TG: variants seen among roughly 807,000 people sequenced by gnomAD.
The protein encoded by TG is thyroid hormones.
In TG, 270 loss-of-function variants were observed where a neutral mutation model predicts 324.7. The ratio of observed to expected loss-of-function variants is 0.83; its 90% CI spans 0.75 to 0.92. The LOEUF is 0.92. Among genes scored for constraint, TG ranks in the 40% least tolerant of loss-of-function variants. The pLI, the probability that TG is intolerant of heterozygous loss-of-function variation, is 0.00. For synonymous variants in TG, 1,401 were observed against 1,327.0 expected (o/e 1.06, Z -1.21); for missense variants, 3,591 against 3,456.4 (o/e 1.04, Z -0.98).
At chr8:132,932,463 G>C (rs186221501) in intron 23 of TG, among the ~76,000 whole-genome samples, 1 of 152,324 alleles carries the variant, frequency 6.6e-6, no homozygotes, top group Admixed American at 6.5e-5. Context: ...CACAGACTGT[G>C]CTGATTTTTA....
At position 133,102,094 on chromosome 8, in the gene TG, T is replaced by G. The variant is rs139467818; in HGVS notation, c.7572+5721T>G. Reference sequence around the variant, plus strand: ...GTTTGGCTTCAATAAATGTTCGTTCTTTTCCCTTAATTTTTTAATTTTAAT... The same window carrying G: ...GTTTGGCTTCAATAAATGTTCGTTCGTTTCCCTTAATTTTTTAATTTTAAT... On this transcript the variant is annotated intron_variant, in intron 43 of 47. Transcript: ENST00000220616. Among the ~76,000 whole-genome samples, 683 of 152,338 alleles carry G rather than the reference T, an allele frequency of 4.5e-3. 4 individuals carry two copies. The highest frequency in any genetic ancestry group is 0.016 in the African/African-American group (647 of 41,558).
chr8:133,077,394 G>C (rs7827903), intron 41 of TG, among the ~76,000 whole-genome samples: 37,661 of 152,068 alleles, frequency 0.25, 5,001 homozygotes, highest in African/African-American at 0.31. Flanking sequence ...TGTCCAGTGG[G>C]TCATTGGGTG....
intron 43 of TG, among the ~76,000 whole-genome samples, chr8:133,112,754 T>A (rs1264604276): frequency 6.6e-6 from 1 of 152,158 alleles, no homozygotes; most frequent in Non-Finnish European, 1.5e-5. Flanking sequence ...GCATTCCATA[T>A]CCTTCGTATA....
chr8:132,893,458 TG>T (rs1366086468), intron 10 of TG, among the ~76,000 whole-genome samples: 12 of 114,262 alleles, frequency 1.1e-4, no homozygotes, highest in African/African-American at 2.4e-4. Context: ...GTGTGTAGTA[TG>T]GGGGGTGGTG....
intron 46 of TG, 88 bp downstream of exon 46, chr8:133,132,034 G>T: frequency 6.4e-7 from 1 of 1,567,502 alleles, no homozygotes; most frequent in Non-Finnish European, 8.8e-7. Context: ...AATTTGCATC[G>T]ATAGACTCAT....
chr8:133,019,752 C>CAGTGGGGACAGTGGAT, intron 39 of TG, 57 bp downstream of exon 39: 7 of 1,441,128 alleles, frequency 4.9e-6, no homozygotes, highest in Non-Finnish European at 6.8e-6. Context: ...TAGAAATCCA[C>CAGTGGGGACAGTGGAT]TGTCCCCACT....
At chr8:133,070,596 A>G (rs373425592) in intron 41 of TG, among the ~76,000 whole-genome samples, 1 of 152,152 alleles carries the variant, frequency 6.6e-6, no homozygotes, top group Non-Finnish European at 1.5e-5. Flanking sequence ...GAGGTAAGTA[A>G]TTTGCTCAGA....
chr8:133,077,038 G>A (rs891675502), intron 41 of TG, among the ~76,000 whole-genome samples: 10 of 152,288 alleles, frequency 6.6e-5, no homozygotes, highest in African/African-American at 9.6e-5. Flanking sequence ...ACCGAGGGGC[G>A]CAGATGTGCT....
intron 41 of TG, among the ~76,000 whole-genome samples, chr8:133,058,758 G>A (rs1312656960): frequency 1.3e-5 from 2 of 152,256 alleles, no homozygotes; most frequent in Non-Finnish European, 2.9e-5. Flanking sequence ...GAGGGCTGCT[G>A]TCCTGAGAGC....
chr8:133,079,456 C>A (rs1438764432), intron 41 of TG, among the ~76,000 whole-genome samples: 1 of 152,070 alleles, frequency 6.6e-6, no homozygotes, highest in African/African-American at 2.4e-5. Flanking sequence ...TGTCAGGAGC[C>A]AGTTGTTATA....
chr8:133,096,738 G>A (rs759915041), intron 43 of TG, among the ~76,000 whole-genome samples: 1 of 152,218 alleles, frequency 6.6e-6, no homozygotes, highest in African/African-American at 2.4e-5. Context: ...GCAGGGAGAT[G>A]AAGGGACTCT....
chr8:132,905,374 C>T (rs79609056), intron 16 of TG, among the ~76,000 whole-genome samples: 8,666 of 152,220 alleles, frequency 0.057, 365 homozygotes, highest in Non-Finnish European at 0.087. Flanking sequence ...GCAAAATCTT[C>T]GCCAGGGACC....
At chr8:133,027,873 A>T (rs1196700905) in intron 40 of TG, among the ~76,000 whole-genome samples, 1 of 152,250 alleles carries the variant, frequency 6.6e-6, no homozygotes, top group Non-Finnish European at 1.5e-5. Context: ...AGGTTGGACC[A>T]GACATGTTGG....
At chr8:133,110,038 A>G (rs956028464) in intron 43 of TG, among the ~76,000 whole-genome samples, 2 of 152,088 alleles carry the variant, frequency 1.3e-5, no homozygotes, top group Non-Finnish European at 2.9e-5. Context: ...GGACTTGGAG[A>G]TCCTGGTGCC....
At chr8:132,889,042 G>A (rs995582663) in intron 10 of TG, among the ~76,000 whole-genome samples, 1 of 152,204 alleles carries the variant, frequency 6.6e-6, no homozygotes, top group African/African-American at 2.4e-5. Flanking sequence ...AGTGCCACCT[G>A]AAGTGGCTTT....
intron 5 of TG, among the ~76,000 whole-genome samples, chr8:132,874,395 G>T (rs1353804910): frequency 6.6e-6 from 1 of 152,192 alleles, no homozygotes; most frequent in South Asian, 2.1e-4. Flanking sequence ...GTAGCTTCTG[G>T]TCATCCACAC....
chr8:133,057,027 C>T (rs1287853973), intron 41 of TG, among the ~76,000 whole-genome samples: 2 of 152,194 alleles, frequency 1.3e-5, no homozygotes, highest in East Asian at 3.9e-4. Flanking sequence ...AGACCACTTA[C>T]TGAGAAGCTG....
At chr8:132,948,398 A>AAGC (rs1166187504) in intron 26 of TG, among the ~76,000 whole-genome samples, 2 of 152,102 alleles carry the variant, frequency 1.3e-5, no homozygotes, top group Non-Finnish European at 2.9e-5. Context: ...GAGGAAATTG[A>AAGC]AGCAGCAGCA....
chr8:132,901,573 G>T lies in TG; in HGVS notation c.3634+20G>T, dbSNP rs768075993. On this transcript the variant is annotated intron_variant, in intron 16 of 47. Transcript: ENST00000220616. ...GTGAGAGTAAGTCATGACCCCCTGG[G>T]GGGACGACGAGGCCTGCATATCTGT... 6.2e-7 allele frequency: 1 copy of T among 1,607,800 alleles called. No individual in the cohort carries two copies. The highest frequency in any genetic ancestry group is 1.7e-5 in the Admixed American group (1 of 59,790).
Sources: gnomAD v4.1 joint callset for allele counts (sites outside exome capture counted in the v4.1 genomes callset) on GRCh38, gnomAD v4.1.1 for gene constraint, MANE v1.5 for transcripts, NCBI Gene and HGNC (gene_info 2026-07-23, HGNC 2026-07-21) for gene names.